Variants in DOCK8 observed in about 807,000 individuals in gnomAD.
DOCK8 encodes dedicator of cytokinesis protein 8.
In DOCK8, 141 loss-of-function variants were observed where a neutral mutation model predicts 245.6. The ratio of observed to expected loss-of-function variants is 0.57; its 90% CI spans 0.50 to 0.66. The LOEUF (loss-of-function observed/expected upper bound fraction) is 0.66. DOCK8 is among the 30% of genes least tolerant of loss of function. The pLI is 0.00. For synonymous variants in DOCK8, 1,168 were observed against 970.2 expected (o/e 1.20, Z -3.79); for missense variants, 2,965 against 2,603.4 (o/e 1.14, Z -3.02).
intron 24 of DOCK8, among the ~76,000 whole-genome samples, chr9:393,384 T>C (rs966429284): frequency 6.6e-6 from 1 of 152,188 alleles, no homozygotes; most frequent in Non-Finnish European, 1.5e-5. Flanking sequence ...CATCTTACTA[T>C]ATATGTGCCA....
chr9:431,681 G>A (rs747577539), intron 36 of DOCK8, among the ~76,000 whole-genome samples: 2 of 152,038 alleles, frequency 1.3e-5, no homozygotes, highest in African/African-American at 4.8e-5. Flanking sequence ...GCTAATTTTT[G>A]TATTTTTAGT....
intron 42 of DOCK8, 85 bp downstream of exon 42, chr9:442,094 A>T (rs1193690322): frequency 4.5e-6 from 7 of 1,563,392 alleles, no homozygotes; most frequent in Non-Finnish European, 6.1e-6. Flanking sequence ...TAAACAAATA[A>T]AGAGTTATGG....
In DOCK8 at chr9:464,833, C is replaced by G. The variant is rs2057920668; in HGVS notation, c.*614C>G. The G allele has an allele frequency of 6.4e-6, 1 of 157,344 alleles. No homozygotes were observed. The highest frequency in any genetic ancestry group is 1.4e-5 in the Non-Finnish European group (1 of 70,968). 9.7% of individuals were successfully genotyped at this position (157,344 alleles called of 1,614,324 possible). ...TATAGTTATTTTTGTTTTATTATTACTGTTACATTAATTTAACATGCATTT... is the reference window on the plus strand; with the variant it reads ...TATAGTTATTTTTGTTTTATTATTAGTGTTACATTAATTTAACATGCATTT... On this transcript the variant is annotated 3_prime_UTR_variant, in exon 48 of 48. Transcript: ENST00000432829.
chr9:400,925 AC>A (rs529222691), intron 26 of DOCK8, among the ~76,000 whole-genome samples: 3 of 113,906 alleles, frequency 2.6e-5, no homozygotes, highest in African/African-American at 1.0e-4. Flanking sequence ...CTTCACCATC[AC>A]CACAACATCC....
At chr9:230,954 T>A (rs2047102337) in intron 1 of DOCK8, among the ~76,000 whole-genome samples, 1 of 152,064 alleles carries the variant, frequency 6.6e-6, no homozygotes, top group South Asian at 2.1e-4. Flanking sequence ...GCTTTTGGTG[T>A]TTTAGACATG....
At chr9:405,356 A>G (rs901143404) in intron 27 of DOCK8, among the ~76,000 whole-genome samples, 2 of 152,222 alleles carry the variant, frequency 1.3e-5, no homozygotes, top group Non-Finnish European at 2.9e-5. Context: ...AAAGTCTCAA[A>G]TCTTCCTTTG....
At chr9:317,416 C>T (rs763576133) in intron 7 of DOCK8, among the ~76,000 whole-genome samples, 7 of 152,208 alleles carry the variant, frequency 4.6e-5, no homozygotes, top group South Asian at 2.1e-4. Flanking sequence ...AGAAAAATAG[C>T]GCTTAAGTCA....
chr9:463,764 C>T (rs757268424), intron 47 of DOCK8, 77 bp downstream of exon 47: 18 of 1,557,636 alleles, frequency 1.2e-5, no homozygotes, highest in Non-Finnish European at 1.5e-5. Flanking sequence ...GGGGCATGCT[C>T]TGCTGCACTT....
At chr9:211,628 T>C (rs939790628), upstream of DOCK8, among the ~76,000 whole-genome samples, 1 of 152,112 alleles carries the variant, frequency 6.6e-6, no homozygotes, top group African/African-American at 2.4e-5. Context: ...AAGAAATAAA[T>C]GGCAGACCTT....
intron 26 of DOCK8, among the ~76,000 whole-genome samples, chr9:403,912 ATATACATATATATATATG>A (rs2055249538): frequency 2.3e-5 from 2 of 87,316 alleles, no homozygotes; most frequent in Admixed American, 1.2e-4. Flanking sequence ...ATATATATAT[ATATACATATATATATATG>A]TGTATATATA....
At chr9:415,701 C>G (rs992487505) in intron 29 of DOCK8, among the ~76,000 whole-genome samples, 1 of 152,108 alleles carries the variant, frequency 6.6e-6, no homozygotes, top group Admixed American at 6.5e-5. Context: ...TGCACACACA[C>G]ACACACACAA....
At chr9:289,999 C>G (rs1407173262) in intron 4 of DOCK8, among the ~76,000 whole-genome samples, 1 of 152,198 alleles carries the variant, frequency 6.6e-6, no homozygotes, top group Non-Finnish European at 1.5e-5. Context: ...CAACCACTTT[C>G]CTTTTTTACT....
intron 14 of DOCK8, among the ~76,000 whole-genome samples, chr9:357,282 T>C (rs1032781975): frequency 6.6e-6 from 1 of 152,222 alleles, no homozygotes; most frequent in Non-Finnish European, 1.5e-5. Flanking sequence ...ATTTAATCAA[T>C]TCATGTTCAA....
At chr9:370,598 C>T (rs1465747102) in intron 16 of DOCK8, among the ~76,000 whole-genome samples, 1 of 152,242 alleles carries the variant, frequency 6.6e-6, no homozygotes, top group Non-Finnish European at 1.5e-5. Context: ...CATTTCCTAA[C>T]TTGCTTTGAG....
intron 1 of DOCK8, among the ~76,000 whole-genome samples, chr9:264,336 A>G (rs1453717545): frequency 6.6e-6 from 1 of 152,236 alleles, no homozygotes; most frequent in African/African-American, 2.4e-5. Flanking sequence ...CTGTCTTCAG[A>G]GGAATTTTCT....
intron 5 of DOCK8, among the ~76,000 whole-genome samples, chr9:307,956 A>AGTAAGAC (rs1203038041): frequency 8.5e-5 from 13 of 152,204 alleles, no homozygotes; most frequent in Admixed American, 6.5e-4. Flanking sequence ...AGCCAAGCAC[A>AGTAAGAC]GTAAGACTAA....
chr9:216,366 C>T (rs1253621093), intron 1 of DOCK8, among the ~76,000 whole-genome samples: 1 of 151,372 alleles, frequency 6.6e-6, no homozygotes, highest in Non-Finnish European at 1.5e-5. Context: ...CCTGTGGCTA[C>T]AAAAAAATAA....
rs747358920 is a variant in DOCK8 at position 420,385 on chromosome 9, A to G, written c.3841-16A>G. ...CTTCTTCCCTGGCCTCCATCCCCCA[A>G]TCTGCCTCCCTTCAGCCCTATAAGC... On this transcript the variant is annotated splice_polypyrimidine_tract_variant and intron_variant, in intron 30 of 47. Coordinates refer to ENST00000432829, the MANE Select transcript of DOCK8 (RefSeq NM_203447.4). 7.7e-5 allele frequency: 125 copies of G among 1,613,982 alleles called. No homozygotes were observed. In the South Asian group the frequency reaches 1.0e-3, roughly 13 times the overall value.
chr9:352,891 A>G (rs896571749), intron 14 of DOCK8, among the ~76,000 whole-genome samples: 4 of 151,868 alleles, frequency 2.6e-5, no homozygotes, highest in African/African-American at 7.3e-5. Context: ...ACTTCTTCTC[A>G]GCTCCTTCCT....
Sources: gnomAD v4.1 joint callset for allele counts (sites outside exome capture counted in the v4.1 genomes callset) on GRCh38, gnomAD v4.1.1 for gene constraint, MANE v1.5 for transcripts, NCBI Gene and HGNC (gene_info 2026-07-23, HGNC 2026-07-21) for gene names.